UBR1: variants seen among roughly 807,000 people sequenced by gnomAD.
The protein encoded by UBR1 is E3 ubiquitin-protein ligase UBR1.
UBR1 carries 102 observed loss-of-function variants against 242.1 expected under a neutral mutation model. The ratio of observed to expected loss-of-function variants is 0.42; its 90% CI spans 0.36 to 0.50. The LOEUF (loss-of-function observed/expected upper bound fraction) is 0.50, where lower values mean the gene tolerates loss of function less well. UBR1 is among the 20% of genes least tolerant of loss of function. UBR1 has a pLI of 0.01. For synonymous variants in UBR1, 675 were observed against 684.8 expected, an observed-to-expected ratio of 0.99 and a Z score of 0.22; for missense variants, 1,772 against 2,101.8, an observed-to-expected ratio of 0.84 and a Z score of 3.07.
At chr15:42,949,425 A>G (rs949394626) in intron 46 of UBR1, among the ~76,000 whole-genome samples, 5 of 133,938 alleles carry the variant, frequency 3.7e-5, no homozygotes, top group Non-Finnish European at 8.3e-5. Flanking sequence ...AACTTAAAGT[A>G]TAATAATAAT....
At chr15:42,978,797 C>T (rs1184700861) in intron 37 of UBR1, among the ~76,000 whole-genome samples, 10 of 147,054 alleles carry the variant, frequency 6.8e-5, no homozygotes, top group African/African-American at 2.0e-4. Flanking sequence ...GGCATGATGT[C>T]GGCTCACCGC....
At position 42,952,397 on chromosome 15, in the gene UBR1, G is replaced by C. The variant is rs150744789; in HGVS notation, c.4887C>G (p.Phe1629Leu). 4 of 1,614,240 alleles carry C rather than the reference G, an allele frequency of 2.5e-6. No homozygotes were observed. The highest frequency in any genetic ancestry group is 2.5e-6 in the Non-Finnish European group (3 of 1,180,040). The change falls in exon 45 of 47, where the codon TTC becomes TTG. Residue 1629 changes from phenylalanine (F) to leucine (L), a missense_variant. Around this residue, in one of 3 missense-constraint regions of UBR1, gnomAD observed 965 missense variants for 1,079.7 expected, o/e 0.89. Coordinates refer to ENST00000290650, the MANE Select transcript of UBR1 (RefSeq NM_174916.3). ...TCTGAGAACATAGTATAGCCCCACA[G>C]AAAAGGCAGAGGACAGGATGCTTTC... ...DERKHPVLCL[F>L]CGAILCSQNI...
chr15:42,981,465 C>T (rs1377126213), intron 37 of UBR1, among the ~76,000 whole-genome samples: 1 of 152,092 alleles, frequency 6.6e-6, no homozygotes, highest in Non-Finnish European at 1.5e-5. Context: ...CAGCAGAGTC[C>T]CAAAGCGATT....
At chr15:42,983,838 CAAT>C in intron 37 of UBR1, 56 bp downstream of exon 37, 1 of 1,053,106 alleles carries the variant, frequency 9.5e-7, no homozygotes, top group Non-Finnish European at 1.3e-6. Flanking sequence ...GCCAGAAATG[CAAT>C]AGAAAAAGAT....
chr15:42,966,324 A>T, intron 40 of UBR1, 38 bp from the exon 41 acceptor site: 1 of 1,613,060 alleles, frequency 6.2e-7, no homozygotes, highest in Non-Finnish European at 8.5e-7. Context: ...CAGAATACAT[A>T]TCAGACTAAA....
chr15:42,964,876 C>G (rs542130275), intron 41 of UBR1, among the ~76,000 whole-genome samples: 1 of 152,330 alleles, frequency 6.6e-6, no homozygotes, highest in South Asian at 2.1e-4. Flanking sequence ...TCTATGAAAA[C>G]TATCTCAGAG....
intron 1 of UBR1, among the ~76,000 whole-genome samples, chr15:43,091,236 C>A (rs375461867): frequency 6.6e-6 from 1 of 152,150 alleles, no homozygotes; most frequent in South Asian, 2.1e-4. Flanking sequence ...CTGTGTCTGG[C>A]CAAATATACA....
intron 35 of UBR1, 57 bp from the exon 36 acceptor site, chr15:42,984,999 AC>A (rs2032437720): frequency 1.8e-5 from 22 of 1,225,976 alleles, no homozygotes; most frequent in Non-Finnish European, 2.4e-5. Context: ...ATAATCATAT[AC>A]TGTACTTTTT....
intron 23 of UBR1, chr15:43,026,087 C>T (rs1369561293): frequency 6.2e-6 from 1 of 161,988 alleles, no homozygotes. Context: ...CAAAAATTAG[C>T]CAGGCATGGT....
At chr15:43,039,038 A>C (rs977735541) in intron 15 of UBR1, among the ~76,000 whole-genome samples, 2 of 151,460 alleles carry the variant, frequency 1.3e-5, no homozygotes, top group African/African-American at 4.8e-5. Context: ...TATTTTTATT[A>C]AAAAGGTACT....
intron 6 of UBR1, among the ~76,000 whole-genome samples, chr15:43,061,516 T>C (rs1364293050): frequency 2.0e-5 from 3 of 152,088 alleles, no homozygotes; most frequent in Non-Finnish European, 4.4e-5. Flanking sequence ...GTGATAGATA[T>C]AGATACACAC....
intron 1 of UBR1, among the ~76,000 whole-genome samples, chr15:43,092,887 C>T (rs1033308586): frequency 6.6e-5 from 10 of 152,130 alleles, no homozygotes; most frequent in African/African-American, 2.4e-4. Context: ...CAGTTACACT[C>T]TTCACAAAAA....
intron 29 of UBR1, among the ~76,000 whole-genome samples, chr15:43,008,812 TCAAGTCTCCTGA>T (rs1484178010): frequency 6.6e-6 from 1 of 152,084 alleles, no homozygotes; most frequent in Non-Finnish European, 1.5e-5. Flanking sequence ...GCTACCCAAT[TCAAGTCTCCTGA>T]CTTGCTGGGA....
intron 27 of UBR1, among the ~76,000 whole-genome samples, chr15:43,019,282 C>G (rs1826490173): frequency 6.6e-6 from 1 of 152,086 alleles, no homozygotes; most frequent in African/African-American, 2.4e-5. Context: ...CCAGGATGGT[C>G]TCGATCTCCT....
intron 31 of UBR1, 83 bp from the exon 32 acceptor site, chr15:43,002,787 T>G (rs1596094626): frequency 1.3e-6 from 2 of 1,587,112 alleles, no homozygotes; most frequent in Middle Eastern, 1.7e-4. Context: ...TAATCCAAGT[T>G]TTAAAAATCT....
intron 15 of UBR1, among the ~76,000 whole-genome samples, chr15:43,039,803 T>C (rs548486803): frequency 6.6e-6 from 1 of 152,304 alleles, no homozygotes; most frequent in African/African-American, 2.4e-5. Flanking sequence ...CAGTATGATA[T>C]TGGCTGTGGG....
At chr15:43,071,902 G>C (rs990194500) in intron 4 of UBR1, among the ~76,000 whole-genome samples, 3 of 152,140 alleles carry the variant, frequency 2.0e-5, no homozygotes, top group African/African-American at 7.2e-5. Context: ...AAAATAACAA[G>C]TATTGGCCAA....
At chr15:43,089,508 T>C (rs2034082596) in intron 1 of UBR1, among the ~76,000 whole-genome samples, 1 of 151,920 alleles carries the variant, frequency 6.6e-6, no homozygotes, top group African/African-American at 2.4e-5. Flanking sequence ...CAAAAATAAA[T>C]AAATAAATAA....
intron 46 of UBR1, among the ~76,000 whole-genome samples, chr15:42,947,838 T>C (rs1476814437): frequency 3.3e-5 from 5 of 152,088 alleles, no homozygotes; most frequent in Non-Finnish European, 7.4e-5. Flanking sequence ...AGAATCAGTA[T>C]CGTGAAAATG....
Sources: allele counts gnomAD v4.1 joint callset (sites outside exome capture counted in the v4.1 genomes callset), GRCh38; gene constraint gnomAD v4.1.1; regional missense constraint gnomAD v4.1.1; transcripts MANE v1.5; gene names NCBI Gene and HGNC (gene_info 2026-07-23, HGNC 2026-07-21).